ASPHD1: variants seen among roughly 807,000 people sequenced by gnomAD.
The protein encoded by ASPHD1 is aspartate beta-hydroxylase domain-containing protein 1.
Under a neutral mutation model 28.3 loss-of-function variants are expected in ASPHD1, and 20 were observed. That is an observed-to-expected ratio of 0.71 (90% CI 0.50 to 1.03). The LOEUF (loss-of-function observed/expected upper bound fraction) is 1.03. Among genes scored for constraint, ASPHD1 ranks in the 50% least tolerant of loss-of-function variants. The pLI is 0.00. For synonymous variants in ASPHD1, 240 were observed against 221.2 expected (o/e 1.08, Z -0.75); for missense variants, 479 against 524.1 (o/e 0.91, Z 0.84).
In ASPHD1 at chr16:29,911,464, G is replaced by C. The variant is rs151147163; in HGVS notation, c.*62+5505G>C. 1.0e-3 allele frequency: 591 copies of C among 563,838 alleles called. 14 individuals carry two copies. In the East Asian group the frequency reaches 0.014, roughly 13 times the overall value. 34.9% of individuals were successfully genotyped at this position (563,838 alleles called of 1,614,324 possible). A position where few individuals can be genotyped will look rare whatever the true frequency, so the allele number is the denominator to read the frequency against. On this transcript the variant is annotated intron_variant and NMD_transcript_variant, in intron 3 of 3. Transcript: ENST00000414952. The stretch of plus-strand genomic sequence containing the variant: ...CCATTTTTTAACTGGGTGACACTAG[G>C]CAAGTTACTTCACCTCTTGGTGTCC...
At position 29,901,011 on chromosome 16, in the gene ASPHD1, C is replaced by T. The variant is rs1487547157; in HGVS notation, c.40C>T (p.Pro14Ser). 1 of 1,565,940 alleles carries T rather than the reference C, an allele frequency of 6.4e-7. No homozygotes were observed. ...GRGSFSVERG[P>S]RKERETAQSG... Reference sequence around the variant, plus strand: ...AGGGAGCTTCAGCGTGGAGAGAGGACCGCGGAAGGAGAGAGAGACAGCCCA... The same window carrying T: ...AGGGAGCTTCAGCGTGGAGAGAGGATCGCGGAAGGAGAGAGAGACAGCCCA... Residue 14 changes from proline to serine, a missense_variant, in exon 1 of 3, where the codon CCG becomes TCG. Transcript: ENST00000308748. The surrounding 1 kb of genome is among the most constrained non-coding windows in gnomAD (Gnocchi z 5.1).
chr16:29,908,250 G>A (rs1055072723), downstream of ASPHD1, among the ~76,000 whole-genome samples: 2 of 152,184 alleles, frequency 1.3e-5, no homozygotes, highest in African/African-American at 4.8e-5. Flanking sequence ...CAAAAGGGAG[G>A]CCAATGCAAT....
chr16:29,918,035 G>C (rs565153253), intron 3 of ASPHD1, among the ~76,000 whole-genome samples: 1 of 152,188 alleles, frequency 6.6e-6, no homozygotes, highest in Non-Finnish European at 1.5e-5. Flanking sequence ...ACAGCATTAG[G>C]CAAAAAATGG....
chr16:29,911,364 TCCCAG>T (rs2068705816), intron 3 of ASPHD1: 10 of 602,668 alleles, frequency 1.7e-5, no homozygotes, highest in Non-Finnish European at 2.6e-5. Context: ...GCTGAGCAAA[TCCCAG>T]CACAGCACAG....
intron 3 of ASPHD1, among the ~76,000 whole-genome samples, chr16:29,918,634 C>G (rs1043950123): frequency 6.6e-6 from 1 of 151,602 alleles, no homozygotes; most frequent in African/African-American, 2.4e-5. Context: ...CCACTCCCAG[C>G]TAATTTTTGT....
In ASPHD1 at chr16:29,900,914, A is replaced by G. The variant is rs950214590; in HGVS notation, c.-58A>G. On this transcript the variant is annotated 5_prime_UTR_variant, in exon 1 of 3. Coordinates refer to ENST00000308748, the MANE Select transcript of ASPHD1 (RefSeq NM_181718.4). ...AGGAGGCGACAGAGGGAGAGGAGGA[A>G]GAAGAGGTAGAAGGAGAGAGAAAGG... 5.5e-6 allele frequency: 8 copies of G among 1,459,652 alleles called. No individual in the cohort carries two copies. The highest frequency in any genetic ancestry group is 7.5e-6 in the Non-Finnish European group (8 of 1,068,566). The allele number at this position is 1,459,652 out of a possible 1,614,324, so 90.4% of individuals were successfully genotyped here. A position where few individuals can be genotyped will look rare whatever the true frequency, so the allele number is the denominator to read the frequency against.
chr16:29,908,438 G>A (rs536696222), downstream of ASPHD1, among the ~76,000 whole-genome samples: 16 of 151,948 alleles, frequency 1.1e-4, no homozygotes, highest in East Asian at 5.8e-4. Flanking sequence ...AGGCTGGAGC[G>A]CAATGGCACA....
In ASPHD1 at chr16:29,905,106, A is replaced by C. The variant is rs1055902692; in HGVS notation, c.1063+141A>C. 13 of 605,790 alleles carry C rather than the reference A, an allele frequency of 2.1e-5. No homozygotes were observed. The East Asian group carries it at 2.7e-4, about 13-fold the overall frequency. The allele number at this position is 605,790 out of a possible 1,614,324, so 37.5% of individuals were successfully genotyped here. A position where few individuals can be genotyped will look rare whatever the true frequency, so the allele number is the denominator to read the frequency against. On this transcript the variant is annotated intron_variant, in intron 2 of 2. Transcript: ENST00000308748. ...AGCTGCATGACCTTGAACAAGCCGC[A>C]TAACTTCTCCAATGCCCTAGGACCA...
intron 1 of ASPHD1, among the ~76,000 whole-genome samples, chr16:29,903,641 C>T (rs2068574144): frequency 6.6e-6 from 1 of 152,140 alleles, no homozygotes; most frequent in Non-Finnish European, 1.5e-5. Flanking sequence ...AATCCTTCCT[C>T]TCTTCCCTCT....
In ASPHD1 at chr16:29,911,683, C is replaced by A. The variant is rs1315806784; in HGVS notation, c.*62+5724C>A. 10 of 921,346 alleles carry A rather than the reference C, an allele frequency of 1.1e-5. No individual in the cohort carries two copies. The East Asian group carries it at 2.6e-4, about 24-fold the overall frequency. The allele number at this position is 921,346 out of a possible 1,614,324, so 57.1% of individuals were successfully genotyped here. A position where few individuals can be genotyped will look rare whatever the true frequency, so the allele number is the denominator to read the frequency against. ...TGCCTAGAGCGTCAGGGGTAAGAGGCGAAGCCGAATCTGCGAGCAGGCACA... is the reference window on the plus strand; with the variant it reads ...TGCCTAGAGCGTCAGGGGTAAGAGGAGAAGCCGAATCTGCGAGCAGGCACA... On this transcript the variant is annotated intron_variant and NMD_transcript_variant, in intron 3 of 3. Transcript: ENST00000414952.
Position 29,901,397 on chromosome 16 carries a change from G to A in ASPHD1, c.426G>A (p.Thr142=), listed in dbSNP as rs764910375. The part of the protein sequence containing the change: ...GPGDPGEGPR[T]EGLVSRRLRA... Reference sequence around the variant, plus strand: ...GGGATCCCGGGGAAGGACCTAGGACGGAAGGCCTAGTGAGCCGGCGGCTTC... The same window carrying A: ...GGGATCCCGGGGAAGGACCTAGGACAGAAGGCCTAGTGAGCCGGCGGCTTC... Residue 142 remains threonine (T), a synonymous_variant, in exon 1 of 3, where the codon ACG becomes ACA. Transcript: ENST00000308748. This position sits in a 1 kb window ranked among gnomAD's most constrained non-coding sequence, Gnocchi z 5.1. 2.5e-6 allele frequency: 4 copies of A among 1,590,072 alleles called. No homozygotes were observed. The highest frequency in any genetic ancestry group is 1.1e-5 in the South Asian group (1 of 88,422).
intron 3 of ASPHD1, among the ~76,000 whole-genome samples, chr16:29,919,041 G>A (rs1327691985): frequency 1.3e-5 from 2 of 152,284 alleles, no homozygotes; most frequent in East Asian, 1.9e-4. Context: ...TGATCCACCT[G>A]CCTTGGCCTC....
chr16:29,911,761 A>AG, intron 3 of ASPHD1: 7 of 1,591,348 alleles, frequency 4.4e-6, no homozygotes, highest in Non-Finnish European at 6.0e-6. Flanking sequence ...GGGCAGAAGC[A>AG]GGGCTGTGCT....
intron 3 of ASPHD1, chr16:29,913,547 G>C (rs2068754429): frequency 6.6e-6 from 1 of 152,286 alleles, no homozygotes; most frequent in African/African-American, 2.4e-5. Flanking sequence ...CTGAGGGTCA[G>C]GATCTCAGCA....
intron 3 of ASPHD1, chr16:29,911,112 G>T: frequency 1.2e-6 from 2 of 1,614,164 alleles, no homozygotes; most frequent in Non-Finnish European, 1.7e-6. Flanking sequence ...AGCCGCCCGT[G>T]GAAGCGCAGG....
rs753145100 is a variant in ASPHD1, at chr16:29,912,252, A to G, written c.*62+6293A>G. On this transcript the variant is annotated intron_variant and NMD_transcript_variant, in intron 3 of 3. Transcript: ENST00000414952. Reference sequence around the variant, plus strand: ...TCCCACGGACACCTTGCTGCTTCACACATCCAGCTTGTGCCTGCCCCGGCC... The same window carrying G: ...TCCCACGGACACCTTGCTGCTTCACGCATCCAGCTTGTGCCTGCCCCGGCC... 52 of 601,190 alleles carry G rather than the reference A, an allele frequency of 8.6e-5. 1 individual carries two copies. The highest frequency in any genetic ancestry group is 1.5e-4 in the Non-Finnish European group (51 of 344,016). The allele number at this position is 601,190 out of a possible 1,614,324, so 37.2% of individuals were successfully genotyped here. A position where few individuals can be genotyped will look rare whatever the true frequency, so the allele number is the denominator to read the frequency against.
chr16:29,906,660 G>A, downstream of ASPHD1: 2 of 684,640 alleles, frequency 2.9e-6, no homozygotes, highest in South Asian at 3.0e-5. Flanking sequence ...GGCTTCGGAA[G>A]GCTCTGAGTG....
At chr16:29,905,684 G>T in intron 2 of ASPHD1, 104 bp from the exon 3 acceptor site, 1 of 643,344 alleles carries the variant, frequency 1.6e-6, no homozygotes, top group Admixed American at 2.4e-5. Flanking sequence ...TTAGAACAAG[G>T]CCTGCCACTT....
downstream of ASPHD1, among the ~76,000 whole-genome samples, chr16:29,910,712 A>G (rs929898723): frequency 2.0e-5 from 3 of 151,774 alleles, no homozygotes; most frequent in Admixed American, 6.6e-5. Context: ...AAATGCATAC[A>G]CCCCCATTTC....
Sources: allele counts gnomAD v4.1 joint callset (sites outside exome capture counted in the v4.1 genomes callset), GRCh38; gene constraint gnomAD v4.1.1; non-coding constraint Gnocchi (gnomAD v3.1); transcripts MANE v1.5; gene names NCBI Gene and HGNC (gene_info 2026-07-23, HGNC 2026-07-21).